Variants in PTK7 observed in about 807,000 individuals in gnomAD.
PTK7 encodes the protein inactive tyrosine-protein kinase 7.
PTK7 carries 39 observed loss-of-function variants against 116.6 expected under a neutral mutation model. The ratio of observed to expected loss-of-function variants is 0.33; its 90% confidence interval spans 0.26 to 0.44. The LOEUF (loss-of-function observed/expected upper bound fraction) is 0.44. Ranked by LOEUF, PTK7 falls within the 20% of genes least tolerant of loss-of-function variation. The pLI is 1.00. For synonymous variants in PTK7, 546 were observed against 563.6 expected (o/e 0.97, Z 0.44); for missense variants, 1,169 against 1,425.6 (o/e 0.82, Z 2.90).
At position 43,129,508 on chromosome 6, in the gene PTK7, C is replaced by A. The variant is rs190073892; in HGVS notation, c.368-219C>A. On this transcript the variant is annotated intron_variant, in intron 2 of 19. Coordinates refer to ENST00000230419, the MANE Select transcript of PTK7 (RefSeq NM_002821.5). This position sits in a 1 kb window ranked among gnomAD's most constrained non-coding sequence, Gnocchi z 4.5. Reference sequence around the variant, plus strand: ...TGCATGCTTGTGCAAATGGAAAGGGCGGCCGAGCCCTTGGCCAAGTGTCAG... The same window carrying A: ...TGCATGCTTGTGCAAATGGAAAGGGAGGCCGAGCCCTTGGCCAAGTGTCAG... The A allele has an allele frequency of 1.4e-6, 1 of 709,694 alleles. No homozygotes were observed. The highest frequency in any genetic ancestry group is 2.3e-6 in the Non-Finnish European group (1 of 437,206). The allele number at this position is 709,694 out of a possible 1,614,324, so 44.0% of individuals were successfully genotyped here. A position where few individuals can be genotyped will look rare whatever the true frequency, so the allele number is the denominator to read the frequency against.
At chr6:43,107,323 C>T (rs748476818) in intron 1 of PTK7, among the ~76,000 whole-genome samples, 2 of 152,170 alleles carry the variant, frequency 1.3e-5, no homozygotes, top group East Asian at 3.9e-4. Flanking sequence ...AAAGCCTACA[C>T]GTTATGATAG....
Position 43,139,439 on chromosome 6 carries a change from A to G in PTK7, c.1532A>G (p.Gln511Arg). The G allele has an allele frequency of 6.2e-7, 1 of 1,614,256 alleles. No homozygotes were observed. The highest frequency in any genetic ancestry group is 8.5e-7 in the Non-Finnish European group (1 of 1,180,050). Residue 511 changes from glutamine to arginine, a missense_variant, in exon 10 of 20, where the codon CAG becomes CGG. By Grantham distance (43) the Gln-to-Arg change is conservative. Around this residue, in one of 3 missense-constraint regions of PTK7, gnomAD observed 678 missense variants for 853.8 expected, o/e 0.79. Transcript: ENST00000230419. The surrounding 1 kb of genome is among the most constrained non-coding windows in gnomAD (Gnocchi z 4.6). ...AAGTTCACACCACCACCCCAGCCAC[A>G]GCAGTGCATGGAGTTTGACAAGGAG... is the stretch of plus-strand genomic sequence containing the variant. ...KLKFTPPPQP[Q>R]QCMEFDKEAT... is the part of the protein sequence containing the mutation.
chr6:43,095,057 TAATA>T (rs1554147920), intron 1 of PTK7, among the ~76,000 whole-genome samples: 5 of 143,878 alleles, frequency 3.5e-5, no homozygotes, highest in South Asian at 2.2e-4. Context: ...ATAATAATAA[TAATA>T]AATAAATAAA....
intron 1 of PTK7, among the ~76,000 whole-genome samples, chr6:43,077,559 C>T (rs903568780): frequency 6.6e-6 from 1 of 152,084 alleles, no homozygotes; most frequent in Non-Finnish European, 1.5e-5. Flanking sequence ...TGTTGAAGTG[C>T]CTTACAGGAA....
chr6:43,095,204 A>G (rs927093673), intron 1 of PTK7, among the ~76,000 whole-genome samples: 1 of 149,052 alleles, frequency 6.7e-6, no homozygotes, highest in Non-Finnish European at 1.5e-5. Flanking sequence ...TACTAAAAAA[A>G]AAAAAAAAAA....
At chr6:43,081,605 A>C (rs112386807) in intron 1 of PTK7, among the ~76,000 whole-genome samples, 2,125 of 152,118 alleles carry the variant, frequency 0.014, 39 homozygotes, top group African/African-American at 0.046. Flanking sequence ...GGGTTTCCCC[A>C]TGTTGGCCAG....
chr6:43,132,194 G>T (rs902689635), intron 6 of PTK7, 30 bp downstream of exon 6: 18 of 1,574,340 alleles, frequency 1.1e-5, no homozygotes, highest in Non-Finnish European at 1.5e-5. Flanking sequence ...GTGCTGATGT[G>T]GGAGGCTGCC....
At chr6:43,089,658 C>CT (rs1020298015) in intron 1 of PTK7, among the ~76,000 whole-genome samples, 7 of 152,230 alleles carry the variant, frequency 4.6e-5, no homozygotes, top group Non-Finnish European at 7.3e-5. Context: ...TACGCAGCAG[C>CT]TTTTCTGCCC....
At chr6:43,160,011 A>G in intron 19 of PTK7, 45 bp downstream of exon 19, 1 of 1,581,666 alleles carries the variant, frequency 6.3e-7, no homozygotes, top group Non-Finnish European at 8.6e-7. Context: ...TGGGCCCCAG[A>G]TGGGGCCTAC....
chr6:43,105,545 G>C (rs1436335546), intron 1 of PTK7, among the ~76,000 whole-genome samples: 1 of 151,236 alleles, frequency 6.6e-6, no homozygotes, highest in East Asian at 1.9e-4. Flanking sequence ...CTAAGCCTCA[G>C]TACCTGTGAA....
intron 1 of PTK7, among the ~76,000 whole-genome samples, chr6:43,128,652 G>T (rs1769444401): frequency 6.6e-6 from 1 of 152,170 alleles, no homozygotes; most frequent in Non-Finnish European, 1.5e-5. Flanking sequence ...GGGTGTGGTG[G>T]CTCATGCCTA....
rs1343293099 is a variant in PTK7, at chr6:43,143,316, C to T, written c.2048-101C>T. On this transcript the variant is annotated intron_variant, in intron 13 of 19. Transcript: ENST00000230419. The surrounding 1 kb of genome is among the most constrained non-coding windows in gnomAD (Gnocchi z 4.2). Reference sequence around the variant, plus strand: ...GAAGGTGGTGACCCTCCCGGGCCATCTGTTAAGTTGCCCTGTTGATGGGGT... The same window carrying T: ...GAAGGTGGTGACCCTCCCGGGCCATTTGTTAAGTTGCCCTGTTGATGGGGT... 8.3e-7 allele frequency: 1 copy of T among 1,201,536 alleles called. No individual in the cohort carries two copies. Among genetic ancestry groups the T allele is most frequent in the Non-Finnish European group, 1.2e-6 (1 of 847,022 alleles). The allele number at this position is 1,201,536 out of a possible 1,614,324, so 74.4% of individuals were successfully genotyped here.
rs59556544 is a variant in PTK7, at chr6:43,136,334, C to CA, written c.1229-2501dup. On this transcript the variant is annotated intron_variant, in intron 7 of 19. Coordinates refer to ENST00000230419, the MANE Select transcript of PTK7 (RefSeq NM_002821.5). ...TGGGTGACAGAGCAAGACTCCAACT[C>CA]AAAAAAAAAAAAAACCAAACCGTAG... 6.5e-3 allele frequency among the ~76,000 whole-genome samples: 870 copies of CA among 133,332 alleles called. 3 individuals carry two copies. The highest frequency in any genetic ancestry group is 0.01 in the Admixed American group (142 of 13,582). The allele number at this position is 133,332 out of a possible 152,430, so 87.5% of individuals were successfully genotyped here. A position where few individuals can be genotyped will look rare whatever the true frequency, so the allele number is the denominator to read the frequency against.
Position 43,143,772 on chromosome 6 carries a change from G to C in PTK7, c.2251+152G>C. The C allele has an allele frequency of 1.2e-6, 1 of 852,396 alleles. No individual in the cohort carries two copies. The highest frequency in any genetic ancestry group is 2.7e-5 in the East Asian group (1 of 37,170). The allele number at this position is 852,396 out of a possible 1,614,324, so 52.8% of individuals were successfully genotyped here. On this transcript the variant is annotated intron_variant, in intron 14 of 19. Transcript: ENST00000230419. The surrounding 1 kb of genome is among the most constrained non-coding windows in gnomAD (Gnocchi z 4.2). ...TGCCCCACCCCTAGCGGGAAGCCTG[G>C]AGTTGGATTCCCAGGGCCTCGTCTT...
intron 1 of PTK7, among the ~76,000 whole-genome samples, chr6:43,098,508 A>G (rs1561940853): frequency 6.6e-6 from 1 of 151,896 alleles, no homozygotes; most frequent in Non-Finnish European, 1.5e-5. Flanking sequence ...GGCGCCTGCC[A>G]CCATGCCTGG....
chr6:43,153,319 T>C (rs1374457548), intron 17 of PTK7, among the ~76,000 whole-genome samples: 2 of 151,056 alleles, frequency 1.3e-5, no homozygotes. Flanking sequence ...CACTGTGCGT[T>C]AGGCAGGATG....
Position 43,132,549 on chromosome 6 carries a change from C to G in PTK7, c.1090C>G (p.Pro364Ala). ...VWWEHAGVRL[P>A]THGRVYQKGH... is the part of the protein sequence containing the mutation. Reference sequence around the variant, plus strand: ...GTGGGAGCACGCGGGAGTCCGGCTGCCCACCCATGGCAGGGTCTACCAGAA... The same window carrying G: ...GTGGGAGCACGCGGGAGTCCGGCTGGCCACCCATGGCAGGGTCTACCAGAA... Residue 364 changes from proline (P) to alanine (A), a missense_variant, in exon 7 of 20, where the codon CCC becomes GCC. Around this residue, in one of 3 missense-constraint regions of PTK7, gnomAD observed 487 missense variants for 549.8 expected, o/e 0.89. Transcript: ENST00000230419. The G allele has an allele frequency of 1.9e-6, 3 of 1,613,440 alleles. No homozygotes were observed. Among genetic ancestry groups the G allele is most frequent in the Non-Finnish European group, 2.5e-6 (3 of 1,179,832 alleles).
chr6:43,085,886 T>C lies in PTK7; in HGVS notation c.79+9319T>C, dbSNP rs564072764. 4.5e-4 allele frequency among the ~76,000 whole-genome samples: 68 copies of C among 150,744 alleles called. No individual in the cohort carries two copies. The South Asian group carries it at 6.3e-3, about 14-fold the overall frequency. ...AGGCCGAGGTTGTGGTGAGCTGAGA[T>C]TGCGCCACTGCACTCCAGCCTGGGC... On this transcript the variant is annotated intron_variant, in intron 1 of 19. Transcript: ENST00000230419.
At chr6:43,160,479 A>G (rs1771781826) in intron 19 of PTK7, among the ~76,000 whole-genome samples, 1 of 152,136 alleles carries the variant, frequency 6.6e-6, no homozygotes, top group Non-Finnish European at 1.5e-5. Flanking sequence ...TGCCCACTCC[A>G]GCCACTCTGA....
Sources: allele counts gnomAD v4.1 joint callset (sites outside exome capture counted in the v4.1 genomes callset), GRCh38; gene constraint gnomAD v4.1.1; regional missense constraint gnomAD v4.1.1; non-coding constraint Gnocchi (gnomAD v3.1); transcripts MANE v1.5; gene names NCBI Gene and HGNC (gene_info 2026-07-23, HGNC 2026-07-21).